The following FSTL5 variants were observed in gnomAD, a reference collection of about 807,000 sequenced individuals.
FSTL5 encodes the protein follistatin-related protein 5.
Under a neutral mutation model 89.1 loss-of-function variants are expected in FSTL5, and 62 were observed. That is an observed-to-expected ratio of 0.70 (90% CI 0.57 to 0.86). The LOEUF (loss-of-function observed/expected upper bound fraction) is 0.86, where lower values mean the gene tolerates loss of function less well. Ranked by LOEUF, FSTL5 falls within the 40% of genes least tolerant of loss-of-function variation. FSTL5 has a pLI of 0.00. For missense variants in FSTL5, 1,057 were observed against 1,001.6 expected (o/e 1.06, Z -0.75); for synonymous variants, 383 against 346.2 (o/e 1.11, Z -1.18).
chr4:161,960,407 C>A (rs1735145157), intron 3 of FSTL5, among the ~76,000 whole-genome samples: 1 of 151,756 alleles, frequency 6.6e-6, no homozygotes, highest in Admixed American at 6.6e-5. Flanking sequence ...AACTCCTGAC[C>A]TCAGATGATC....
At chr4:161,641,333 G>A (rs1319149102) in intron 7 of FSTL5, among the ~76,000 whole-genome samples, 3 of 151,988 alleles carry the variant, frequency 2.0e-5, no homozygotes, top group Admixed American at 6.6e-5. Context: ...TATAACTTAC[G>A]GAAACTACTT....
At chr4:161,492,829 T>C (rs1391805554) in intron 12 of FSTL5, among the ~76,000 whole-genome samples, 1 of 152,090 alleles carries the variant, frequency 6.6e-6, no homozygotes, top group Non-Finnish European at 1.5e-5. Context: ...GTGGACAACA[T>C]GGTATATAAA....
intron 6 of FSTL5, among the ~76,000 whole-genome samples, chr4:161,754,065 A>AAAAAAAAAAAAAAAT (rs397996023): frequency 6.7e-6 from 1 of 150,318 alleles, no homozygotes; most frequent in Non-Finnish European, 1.5e-5. Context: ...AAAAAAAAAA[A>AAAAAAAAAAAAAAAT]GAACTGTTTC....
chr4:161,848,708 T>C (rs1006019243), intron 4 of FSTL5, among the ~76,000 whole-genome samples: 1 of 152,198 alleles, frequency 6.6e-6, no homozygotes, highest in African/African-American at 2.4e-5. Flanking sequence ...CTCTACTCCA[T>C]ATCGTCGTCA....
At chr4:161,922,522 A>G (rs1174577587) in intron 3 of FSTL5, among the ~76,000 whole-genome samples, 1 of 151,936 alleles carries the variant, frequency 6.6e-6, no homozygotes, top group African/African-American at 2.4e-5. Flanking sequence ...TTAATATACA[A>G]ATTTTTTCTC....
chr4:161,651,887 A>C (rs553612269), intron 7 of FSTL5, among the ~76,000 whole-genome samples: 1 of 152,332 alleles, frequency 6.6e-6, no homozygotes, highest in African/African-American at 2.4e-5. Flanking sequence ...AACAGACGAA[A>C]TGAAAGTCTT....
intron 6 of FSTL5, among the ~76,000 whole-genome samples, chr4:161,756,632 C>T (rs57283498): frequency 0.081 from 12,303 of 151,978 alleles, 955 homozygotes; most frequent in African/African-American, 0.2. Flanking sequence ...TCTTTAGCAA[C>T]ATCAAATTAC....
chr4:162,069,177 T>C lies in FSTL5; in HGVS notation c.127-35519A>G, dbSNP rs903992099. On this transcript the variant is annotated intron_variant, in intron 2 of 15. Transcript: ENST00000306100. Reference sequence around the variant, plus strand: ...TAGAATCATTAGTCCTTTGATTTTCTATAACACATCTAAAATGAACTGTAC... The same window carrying C: ...TAGAATCATTAGTCCTTTGATTTTCCATAACACATCTAAAATGAACTGTAC... Among the ~76,000 whole-genome samples, 9 of 152,008 alleles carry C rather than the reference T, an allele frequency of 5.9e-5. No individual in the cohort carries two copies. The East Asian group carries it at 1.8e-3, about 30-fold the overall frequency.
intron 4 of FSTL5, among the ~76,000 whole-genome samples, chr4:161,912,713 G>C (rs7676900): frequency 0.82 from 124,808 of 152,068 alleles, 52,037 homozygotes; most frequent in Non-Finnish European, 0.9. Context: ...AGAAAATGTG[G>C]AAATGACTTT....
At chr4:161,969,284 C>T (rs1371864918) in intron 3 of FSTL5, among the ~76,000 whole-genome samples, 1 of 152,138 alleles carries the variant, frequency 6.6e-6, no homozygotes, top group South Asian at 2.1e-4. Flanking sequence ...CCTTTCCCTA[C>T]ATCTCTCAAG....
rs192505492 is a variant in FSTL5, at chr4:161,968,488, A to G, written c.161-47836T>C. Among the ~76,000 whole-genome samples, 372 of 152,264 alleles carry G rather than the reference A, an allele frequency of 2.4e-3. 2 individuals carry two copies. The highest frequency in any genetic ancestry group is 3.9e-3 in the Non-Finnish European group (263 of 67,996). ...TATATGCAGTAGAGCACATTCTTAT[A>G]TGGAGAAATATAAAATGTTATTTTT... On this transcript the variant is annotated intron_variant, in intron 3 of 15. Transcript: ENST00000306100.
chr4:161,405,553 T>G (rs1323270515), intron 15 of FSTL5, among the ~76,000 whole-genome samples: 1 of 152,254 alleles, frequency 6.6e-6, no homozygotes, highest in East Asian at 1.9e-4. Flanking sequence ...AAAAGACCTA[T>G]GAAACACTAA....
chr4:162,002,994 A>G (rs930297487), intron 3 of FSTL5, among the ~76,000 whole-genome samples: 1 of 152,100 alleles, frequency 6.6e-6, no homozygotes, highest in Admixed American at 6.5e-5. Context: ...AATACAAAAA[A>G]TTAGCCGGCC....
chr4:161,760,349 A>T (rs6854122), intron 5 of FSTL5, among the ~76,000 whole-genome samples: 33,294 of 152,062 alleles, frequency 0.22, 6,922 homozygotes, highest in African/African-American at 0.54. Flanking sequence ...ACTCTCTCAC[A>T]TACAAAGGCA....
At chr4:161,483,817 G>A (rs901355597) in intron 12 of FSTL5, among the ~76,000 whole-genome samples, 7 of 151,992 alleles carry the variant, frequency 4.6e-5, no homozygotes, top group African/African-American at 1.7e-4. Context: ...AAAGCTGCCA[G>A]GGATTATATC....
chr4:162,099,218 G>A (rs942701711), intron 2 of FSTL5, among the ~76,000 whole-genome samples: 14 of 152,084 alleles, frequency 9.2e-5, no homozygotes, highest in South Asian at 2.1e-4. Context: ...ACTATAGCAC[G>A]CTAAGTGTCT....
In FSTL5 at chr4:162,097,411, A is replaced by T. The variant is rs72982658; in HGVS notation, c.126+13860T>A. 6.3e-3 allele frequency among the ~76,000 whole-genome samples: 952 copies of T among 151,912 alleles called. 6 individuals carry two copies. The highest frequency in any genetic ancestry group is 0.022 in the African/African-American group (912 of 41,534). ...ATTTTAATCATATGTAACTTGTAGC[A>T]AGTTATAACTTTCAATTATTTTATT... On this transcript the variant is annotated intron_variant, in intron 2 of 15. Coordinates refer to ENST00000306100, the MANE Select transcript of FSTL5 (RefSeq NM_020116.5).
chr4:161,535,311 A>G (rs181205288), intron 10 of FSTL5, among the ~76,000 whole-genome samples: 1 of 152,288 alleles, frequency 6.6e-6, no homozygotes, highest in African/African-American at 2.4e-5. Flanking sequence ...AGAATGGGAA[A>G]AAATATATGT....
chr4:161,807,027 C>G (rs570191589), intron 4 of FSTL5, among the ~76,000 whole-genome samples: 2 of 152,112 alleles, frequency 1.3e-5, no homozygotes, highest in South Asian at 4.1e-4. Context: ...AGTATATAAA[C>G]AACCAGAAAG....
Sources: allele counts gnomAD v4.1 joint callset (sites outside exome capture counted in the v4.1 genomes callset), GRCh38; gene constraint gnomAD v4.1.1; transcripts MANE v1.5; gene names NCBI Gene and HGNC (gene_info 2026-07-23, HGNC 2026-07-21).